The following SLC15A5 variants were observed in gnomAD, a reference collection of about 807,000 sequenced individuals.
The protein encoded by SLC15A5 is solute carrier family 15 member 5, also known as Peptide/histidine transporter ENSP00000340402.
Under a neutral mutation model 56.1 loss-of-function variants are expected in SLC15A5, and 58 were observed. That is an observed-to-expected ratio of 1.03 (90% CI 0.84 to 1.29). The LOEUF (loss-of-function observed/expected upper bound fraction) is 1.29. Among genes scored for constraint, SLC15A5 ranks in the 50% most tolerant of loss-of-function variants. SLC15A5 has a pLI of 0.00. For missense variants in SLC15A5, 681 were observed against 672.1 expected (o/e 1.01, Z -0.15); for synonymous variants, 264 against 250.5 (o/e 1.05, Z -0.51).
At chr12:16,259,836 C>G (rs1273120451) in intron 2 of SLC15A5, among the ~76,000 whole-genome samples, 1 of 151,252 alleles carries the variant, frequency 6.6e-6, no homozygotes, top group Non-Finnish European at 1.5e-5. Flanking sequence ...ACTAGCCTTG[C>G]TGCATACTTT....
intron 4 of SLC15A5, among the ~76,000 whole-genome samples, chr12:16,242,916 A>G: frequency 6.6e-6 from 1 of 152,150 alleles, no homozygotes; most frequent in Non-Finnish European, 1.5e-5. Flanking sequence ...TATGGGTAAT[A>G]TTTCTGCTGT....
At chr12:16,256,854 G>T (rs984794074) in intron 3 of SLC15A5, among the ~76,000 whole-genome samples, 1 of 91,622 alleles carries the variant, frequency 1.1e-5, no homozygotes, top group South Asian at 4.2e-4. Context: ...GAGAGGCTCC[G>T]TCTCAAAAAA....
intron 5 of SLC15A5, among the ~76,000 whole-genome samples, chr12:16,234,389 T>C (rs1216308967): frequency 6.6e-6 from 1 of 152,184 alleles, no homozygotes; most frequent in African/African-American, 2.4e-5. Flanking sequence ...TATTTAAGGA[T>C]CTATGTTTGC....
chr12:16,273,968 T>A (rs1306294995), intron 1 of SLC15A5, among the ~76,000 whole-genome samples: 3 of 149,996 alleles, frequency 2.0e-5, no homozygotes, highest in Non-Finnish European at 4.4e-5. Context: ...TAAATATATT[T>A]TATAAATGTA....
At chr12:16,205,590 T>C (rs1167711602) in intron 7 of SLC15A5, among the ~76,000 whole-genome samples, 2,733 of 57,104 alleles carry the variant, frequency 0.048, 241 homozygotes, top group African/African-American at 0.15. Context: ...CATATATATA[T>C]ACATATACAC....
At chr12:16,222,579 T>G (rs1391925127) in intron 6 of SLC15A5, among the ~76,000 whole-genome samples, 3 of 152,192 alleles carry the variant, frequency 2.0e-5, no homozygotes, top group Non-Finnish European at 4.4e-5. Flanking sequence ...CAGACCAAAT[T>G]CTTTCAGTCC....
At chr12:16,224,740 T>C in intron 5 of SLC15A5, 138 bp from the exon 6 acceptor site, 2 of 901,492 alleles carry the variant, frequency 2.2e-6, no homozygotes, top group Admixed American at 3.0e-5. Context: ...TTAATTTTTT[T>C]ATTATACTTT....
chr12:16,198,612 T>A (rs1030322433), intron 7 of SLC15A5, among the ~76,000 whole-genome samples: 6 of 152,126 alleles, frequency 3.9e-5, no homozygotes, highest in African/African-American at 1.2e-4. Context: ...TCAACAGTTT[T>A]AAAATGTCTG....
At chr12:16,224,320 G>T in intron 6 of SLC15A5, 94 bp downstream of exon 6, 1 of 1,206,050 alleles carries the variant, frequency 8.3e-7, no homozygotes, top group Non-Finnish European at 1.1e-6. Context: ...GAGGTGAATA[G>T]ATGACATACC....
rs535937850 is a variant in SLC15A5 at position 16,243,368 on chromosome 12, C to A, written c.975+1212G>T. 6.6e-6 allele frequency among the ~76,000 whole-genome samples: 1 copy of A among 151,810 alleles called. No homozygotes were observed. Among genetic ancestry groups the A allele is most frequent in the South Asian group, 2.1e-4 (1 of 4,816 alleles). ...TCGGATTACAGGCATGGCCACCACA[C>A]CTGACTAATTTTGTATTTTTAGTAG... On this transcript the variant is annotated intron_variant, in intron 4 of 8. Coordinates refer to ENST00000344941, the MANE Select transcript of SLC15A5 (RefSeq NM_001170798.1). This position sits in a 1 kb window ranked among gnomAD's most constrained non-coding sequence, Gnocchi z 4.4.
At chr12:16,239,964 T>C in intron 4 of SLC15A5, 97 bp from the exon 5 acceptor site, 1 of 1,093,364 alleles carries the variant, frequency 9.1e-7, no homozygotes, top group Middle Eastern at 3.1e-4. Context: ...ACGTACTCTG[T>C]GATGGATGAG....
intron 3 of SLC15A5, among the ~76,000 whole-genome samples, chr12:16,254,799 G>C (rs1432608730): frequency 6.6e-6 from 1 of 152,112 alleles, no homozygotes; most frequent in Non-Finnish European, 1.5e-5. Context: ...AGAAAAAGCT[G>C]ATCTCAAAGA....
rs1171659420 is a variant in SLC15A5 at position 16,196,324 on chromosome 12, T to A, written c.1484-1871A>T. On this transcript the variant is annotated intron_variant, in intron 7 of 8. Coordinates refer to ENST00000344941, the MANE Select transcript of SLC15A5 (RefSeq NM_001170798.1). This position sits in a 1 kb window ranked among gnomAD's most constrained non-coding sequence, Gnocchi z 4.0. ...AAATGAAGTTCACTGAATGTTTCTC[T>A]ATAAGTCTTGTCTATTGGATATTGT... Among the ~76,000 whole-genome samples the A allele has an allele frequency of 6.6e-6, 1 of 152,128 alleles. No individual in the cohort carries two copies. The highest frequency in any genetic ancestry group is 1.5e-5 in the Non-Finnish European group (1 of 68,012).
intron 2 of SLC15A5, among the ~76,000 whole-genome samples, chr12:16,264,149 G>A (rs1222833949): frequency 6.6e-6 from 1 of 152,214 alleles, no homozygotes; most frequent in African/African-American, 2.4e-5. Context: ...AAGGCAGCTG[G>A]GAGGGAAGCA....
chr12:16,276,028 C>T (rs1486124949), intron 1 of SLC15A5, among the ~76,000 whole-genome samples: 1 of 151,898 alleles, frequency 6.6e-6, no homozygotes, highest in Non-Finnish European at 1.5e-5. Context: ...CTTTTATTTT[C>T]TCTCTCCCTG....
intron 7 of SLC15A5, among the ~76,000 whole-genome samples, chr12:16,212,500 A>G (rs1864093187): frequency 8.2e-6 from 1 of 121,214 alleles, no homozygotes; most frequent in South Asian, 3.1e-4. Flanking sequence ...GATTGTCACA[A>G]AGAGACTTAT....
At chr12:16,262,714 G>A (rs972361469) in intron 2 of SLC15A5, among the ~76,000 whole-genome samples, 19 of 152,184 alleles carry the variant, frequency 1.2e-4, no homozygotes, top group African/African-American at 4.1e-4. Context: ...ACATGTTGTG[G>A]GAGGGACCCA....
chr12:16,199,559 A>G (rs1423213710), intron 7 of SLC15A5, among the ~76,000 whole-genome samples: 1 of 152,082 alleles, frequency 6.6e-6, no homozygotes, highest in African/African-American at 2.4e-5. Context: ...ACTACTCAGA[A>G]CCAAGTACCT....
chr12:16,244,614 A>G lies in SLC15A5; in HGVS notation c.941T>C (p.Ile314Thr), dbSNP rs1352981684. ...TFFLTLLPLF[I>T]FQLLYRMCIM... ...GCACATTCTGTATAGGAGCTGAAAA[A>G]TGAAGAGAGGGAGAAGGGTGAGGAA... The change falls in exon 4 of 9, where the codon ATT becomes ACT. Residue 314 changes from isoleucine (I) to threonine (T), a missense_variant. By Grantham distance (89) the Ile-to-Thr change is moderately conservative. Coordinates refer to ENST00000344941, the MANE Select transcript of SLC15A5 (RefSeq NM_001170798.1). The G allele has an allele frequency of 3.3e-6, 5 of 1,537,676 alleles. No homozygotes were observed. The highest frequency in any genetic ancestry group is 4.4e-6 in the Non-Finnish European group (5 of 1,147,044).
Sources: gnomAD v4.1 joint callset for allele counts (sites outside exome capture counted in the v4.1 genomes callset) on GRCh38, gnomAD v4.1.1 for gene constraint, Gnocchi (gnomAD v3.1) non-coding constraint, MANE v1.5 for transcripts, NCBI Gene and HGNC (gene_info 2026-07-23, HGNC 2026-07-21) for gene names.